Variants in SLC44A5 observed in about 807,000 individuals in gnomAD.
The protein encoded by SLC44A5 is choline transporter-like protein 5.
SLC44A5 carries 57 observed loss-of-function variants against 101.8 expected under a neutral mutation model. The observed-to-expected ratio is 0.56, with a 90% CI of 0.45 to 0.70. SLC44A5 has a LOEUF of 0.70. Among genes scored for constraint, SLC44A5 ranks in the 30% least tolerant of loss-of-function variants. SLC44A5 has a pLI of 0.00. For missense variants in SLC44A5, 737 were observed against 853.1 expected (o/e 0.86, Z 1.70); for synonymous variants, 281 against 290.9 (o/e 0.97, Z 0.35).
the SLC44A5 span, among the ~76,000 whole-genome samples, chr1:75,685,055 C>T: frequency 6.6e-6 from 1 of 152,218 alleles, no homozygotes; most frequent in African/African-American, 2.4e-5. Flanking sequence ...TGTGCACTGG[C>T]AGGCCCAAGA....
At chr1:75,680,120 G>T in the SLC44A5 span, among the ~76,000 whole-genome samples, 1 of 152,112 alleles carries the variant, frequency 6.6e-6, no homozygotes, top group East Asian at 1.9e-4. Context: ...AGCAAGTCTT[G>T]AGTGACCTAC....
rs540896104 is a variant in SLC44A5 at position 75,343,095 on chromosome 1, G to A, written c.53-3465C>T. ...GGCCAGCTAAATGAAAAAAGCCACAGTGGTTCGCTGTCATGTGGCTTAGCT... is the reference window on the plus strand; with the variant it reads ...GGCCAGCTAAATGAAAAAAGCCACAATGGTTCGCTGTCATGTGGCTTAGCT... On this transcript the variant is annotated intron_variant, in intron 3 of 23. Coordinates refer to ENST00000370859, the MANE Select transcript of SLC44A5 (RefSeq NM_001130058.2). 7.2e-5 allele frequency among the ~76,000 whole-genome samples: 11 copies of A among 152,308 alleles called. No individual in the cohort carries two copies. The South Asian group carries it at 2.3e-3, about 32-fold the overall frequency.
intron 1 of SLC44A5, among the ~76,000 whole-genome samples, chr1:75,590,929 C>A (rs1353888366): frequency 1.3e-5 from 2 of 152,092 alleles, no homozygotes; most frequent in Non-Finnish European, 2.9e-5. Context: ...GGTTTTAGAG[C>A]CCCAGGGCCT....
At chr1:75,699,832 CAA>C in the SLC44A5 span, among the ~76,000 whole-genome samples, 1 of 151,588 alleles carries the variant, frequency 6.6e-6, no homozygotes, top group Non-Finnish European at 1.5e-5. Flanking sequence ...AAATGGAAAA[CAA>C]AAAAAGGCAG....
At chr1:75,318,752 GC>G in intron 4 of SLC44A5, among the ~76,000 whole-genome samples, 1 of 152,162 alleles carries the variant, frequency 6.6e-6, no homozygotes, top group South Asian at 2.1e-4. Flanking sequence ...CTTCATTTTT[GC>G]CAGCACAACT....
At chr1:75,399,294 G>A (rs1288713433) in intron 2 of SLC44A5, among the ~76,000 whole-genome samples, 1 of 152,104 alleles carries the variant, frequency 6.6e-6, no homozygotes, top group Non-Finnish European at 1.5e-5. Flanking sequence ...TAGCTAGTAT[G>A]TATTCTGGCT....
At chr1:75,480,382 A>T (rs1352169322) in intron 2 of SLC44A5, among the ~76,000 whole-genome samples, 1 of 152,190 alleles carries the variant, frequency 6.6e-6, no homozygotes, top group Non-Finnish European at 1.5e-5. Flanking sequence ...TATTTAACAT[A>T]GTGTTGGAAG....
intron 11 of SLC44A5, among the ~76,000 whole-genome samples, chr1:75,236,570 T>C (rs1010050461): frequency 6.6e-6 from 1 of 151,886 alleles, no homozygotes; most frequent in East Asian, 1.9e-4. Context: ...TGTTGAAAAA[T>C]AGGAACGATC....
intron 2 of SLC44A5, among the ~76,000 whole-genome samples, chr1:75,501,973 A>T (rs1257324451): frequency 6.6e-6 from 1 of 152,220 alleles, no homozygotes; most frequent in East Asian, 1.9e-4. Context: ...CACACATACA[A>T]AGCTGATAAT....
chr1:75,471,868 C>T (rs901091747), intron 2 of SLC44A5, among the ~76,000 whole-genome samples: 1 of 138,338 alleles, frequency 7.2e-6, no homozygotes, highest in African/African-American at 2.6e-5. Flanking sequence ...GAACAAGGAA[C>T]CACTAAGGCT....
At chr1:75,570,749 T>G (rs371631353) in intron 1 of SLC44A5, among the ~76,000 whole-genome samples, 2 of 152,140 alleles carry the variant, frequency 1.3e-5, no homozygotes, top group East Asian at 3.8e-4. Context: ...TTCCCACCCC[T>G]GGAAGTAAGA....
chr1:75,457,094 T>C (rs1000477056), intron 2 of SLC44A5, among the ~76,000 whole-genome samples: 2 of 152,208 alleles, frequency 1.3e-5, no homozygotes, highest in Non-Finnish European at 2.9e-5. Context: ...ACTACTTTTA[T>C]TCAAATACTA....
chr1:75,352,086 G>C (rs1429679284), intron 3 of SLC44A5, among the ~76,000 whole-genome samples: 5 of 151,930 alleles, frequency 3.3e-5, no homozygotes. Context: ...AAAAGACTAA[G>C]AAGGTTCTTA....
chr1:75,251,359 T>C (rs1454343806), intron 6 of SLC44A5, 65 bp from the exon 7 acceptor site: 2 of 1,313,256 alleles, frequency 1.5e-6, no homozygotes, highest in East Asian at 2.3e-5. Flanking sequence ...TTTCAGACCC[T>C]GAACACTTTT....
intron 2 of SLC44A5, among the ~76,000 whole-genome samples, chr1:75,536,193 CT>C (rs1254555912): frequency 6.6e-6 from 1 of 152,120 alleles, no homozygotes; most frequent in Admixed American, 6.5e-5. Context: ...AGTGAAATTA[CT>C]TCCTATCTCT....
intron 2 of SLC44A5, among the ~76,000 whole-genome samples, chr1:75,484,000 GATCCAATT>G (rs2101788137): frequency 6.6e-6 from 1 of 152,200 alleles, no homozygotes; most frequent in South Asian, 2.1e-4. Flanking sequence ...CCACCCCCAT[GATCCAATT>G]ATCTCCCACC....
intron 5 of SLC44A5, among the ~76,000 whole-genome samples, chr1:75,286,554 T>C (rs946906084): frequency 6.6e-6 from 1 of 152,150 alleles, no homozygotes; most frequent in African/African-American, 2.4e-5. Flanking sequence ...CATTGTGTTA[T>C]TGTTTTATAG....
intron 4 of SLC44A5, among the ~76,000 whole-genome samples, chr1:75,326,962 A>G (rs1353996873): frequency 6.6e-6 from 1 of 152,154 alleles, no homozygotes; most frequent in African/African-American, 2.4e-5. Context: ...ACAATGGAGC[A>G]TTTTCAGGAA....
Position 75,322,146 on chromosome 1 carries a change from A to G in SLC44A5, c.101+17436T>C, listed in dbSNP as rs528752237. Among the ~76,000 whole-genome samples, 14 of 152,200 alleles carry G rather than the reference A, an allele frequency of 9.2e-5. No homozygotes were observed. The South Asian group carries it at 2.7e-3, about 29-fold the overall frequency. On this transcript the variant is annotated intron_variant, in intron 4 of 23. Coordinates refer to ENST00000370859, the MANE Select transcript of SLC44A5 (RefSeq NM_001130058.2). ...GCCAAAATGGCAAAACTCCATCTCT[A>G]CAAAAAAATATAAAAATTAGCCTGG...
Sources: gnomAD v4.1 joint callset for allele counts (sites outside exome capture counted in the v4.1 genomes callset) on GRCh38, gnomAD v4.1.1 for gene constraint, MANE v1.5 for transcripts, NCBI Gene and HGNC (gene_info 2026-07-23, HGNC 2026-07-21) for gene names.